Variants in NKAIN2 observed in about 807,000 individuals in gnomAD.
NKAIN2 encodes the protein sodium/potassium transporting ATPase interacting 2.
A neutral mutation model predicts 32.6 loss-of-function variants in NKAIN2; 14 were observed. That is an observed-to-expected ratio of 0.43 (90% CI 0.28 to 0.67). NKAIN2 has a LOEUF of 0.67. Ranked by LOEUF, NKAIN2 falls within the 30% of genes least tolerant of loss-of-function variation. The pLI, the probability that NKAIN2 is intolerant of heterozygous loss-of-function variation, is 0.17. For missense variants in NKAIN2, 198 were observed against 258.3 expected (o/e 0.77, Z 1.60); for synonymous variants, 80 against 87.2 (o/e 0.92, Z 0.46).
chr6:123,976,256 TATATATATGTTTCC>T (rs1156868911), intron 1 of NKAIN2, among the ~76,000 whole-genome samples: 2,879 of 120,762 alleles, frequency 0.024, 321 homozygotes, highest in Middle Eastern at 0.051. Flanking sequence ...AACATATATA[TATATATATGTTTCC>T]ATATATATGT....
intron 4 of NKAIN2, among the ~76,000 whole-genome samples, chr6:124,791,067 T>C (rs1306125483): frequency 6.6e-6 from 1 of 152,176 alleles, no homozygotes; most frequent in African/African-American, 2.4e-5. Flanking sequence ...TTTTCTGTAT[T>C]GAAAATAATT....
chr6:123,970,707 C>T (rs1778298139), intron 1 of NKAIN2, among the ~76,000 whole-genome samples: 1 of 151,792 alleles, frequency 6.6e-6, no homozygotes, highest in South Asian at 2.1e-4. Flanking sequence ...GGTGAAACCC[C>T]ATTTCTACTA....
intron 1 of NKAIN2, among the ~76,000 whole-genome samples, chr6:123,912,977 C>G (rs1457897285): frequency 6.6e-6 from 1 of 152,132 alleles, no homozygotes; most frequent in East Asian, 1.9e-4. Flanking sequence ...TAAGGCGAAA[C>G]CTGTAGGCTT....
chr6:124,789,648 A>G (rs1375932230), intron 4 of NKAIN2, among the ~76,000 whole-genome samples: 1 of 151,964 alleles, frequency 6.6e-6, no homozygotes, highest in South Asian at 2.1e-4. Context: ...ACAAATCAAA[A>G]TCTTTGCTAA....
At chr6:123,979,160 C>A (rs1170322075) in intron 1 of NKAIN2, among the ~76,000 whole-genome samples, 1 of 147,822 alleles carries the variant, frequency 6.8e-6, no homozygotes, top group Non-Finnish European at 1.5e-5. Context: ...AATCAGAAAT[C>A]AATCTGATTT....
At chr6:124,598,639 A>G (rs1365057164) in intron 3 of NKAIN2, among the ~76,000 whole-genome samples, 1 of 151,088 alleles carries the variant, frequency 6.6e-6, no homozygotes, top group Non-Finnish European at 1.5e-5. Flanking sequence ...AGGGCCCTGG[A>G]TAGGTGAGCC....
At chr6:124,815,279 T>C (rs1781110908) in intron 5 of NKAIN2, among the ~76,000 whole-genome samples, 1 of 148,676 alleles carries the variant, frequency 6.7e-6, no homozygotes, top group South Asian at 2.1e-4. Context: ...TATATGTATA[T>C]ATGTATATAT....
chr6:124,648,095 G>C (rs1041546969), intron 3 of NKAIN2, among the ~76,000 whole-genome samples: 6 of 152,144 alleles, frequency 3.9e-5, no homozygotes, highest in African/African-American at 1.4e-4. Flanking sequence ...ATTGCAATGG[G>C]AGAGAAGACC....
chr6:124,538,315 C>A (rs1044542036), intron 3 of NKAIN2, among the ~76,000 whole-genome samples: 5 of 151,726 alleles, frequency 3.3e-5, no homozygotes, highest in Non-Finnish European at 2.9e-5. Context: ...GGCCTTTATT[C>A]TAATAACAGT....
At chr6:123,971,114 T>A (rs1306603676) in intron 1 of NKAIN2, among the ~76,000 whole-genome samples, 1 of 151,852 alleles carries the variant, frequency 6.6e-6, no homozygotes, top group Non-Finnish European at 1.5e-5. Context: ...AAAATGATAG[T>A]CTGACTGGGG....
chr6:124,565,842 G>C (rs1027926052), intron 3 of NKAIN2, among the ~76,000 whole-genome samples: 1 of 152,086 alleles, frequency 6.6e-6, no homozygotes, highest in African/African-American at 2.4e-5. Flanking sequence ...CAGAAGGATG[G>C]GAAGTGTTTC....
chr6:124,143,878 T>G (rs1031098309), intron 1 of NKAIN2, among the ~76,000 whole-genome samples: 12 of 152,202 alleles, frequency 7.9e-5, no homozygotes, highest in Non-Finnish European at 1.2e-4. Context: ...TTTCTTATTA[T>G]CCTACCCCAT....
chr6:124,027,029 C>A (rs1241346174), intron 1 of NKAIN2, among the ~76,000 whole-genome samples: 1 of 152,116 alleles, frequency 6.6e-6, no homozygotes. Flanking sequence ...TCTTCTGTTT[C>A]TCTTCTTGCC....
intron 3 of NKAIN2, among the ~76,000 whole-genome samples, chr6:124,577,385 C>A (rs952644488): frequency 1.3e-5 from 2 of 151,980 alleles, no homozygotes; most frequent in African/African-American, 4.8e-5. Flanking sequence ...GAGCAAGAAT[C>A]TGTGTGCTTG....
intron 4 of NKAIN2, among the ~76,000 whole-genome samples, chr6:124,664,743 G>A (rs1772690923): frequency 8.2e-6 from 1 of 121,656 alleles, no homozygotes; most frequent in African/African-American, 3.1e-5. Context: ...GCAGTGAGCC[G>A]AGATCCCGCC....
chr6:123,966,319 CCTCAGAAGATA>C (rs1778078976), intron 1 of NKAIN2, among the ~76,000 whole-genome samples: 2 of 152,276 alleles, frequency 1.3e-5, no homozygotes, highest in Admixed American at 6.5e-5. Flanking sequence ...ACTCAATCAT[CCTCAGAAGATA>C]CGAGCTTTAA....
intron 1 of NKAIN2, among the ~76,000 whole-genome samples, chr6:124,258,548 C>G (rs544716964): frequency 1.3e-5 from 2 of 150,090 alleles, no homozygotes; most frequent in South Asian, 4.2e-4. Context: ...ATAAAACTGA[C>G]AGGACTTGAA....
At chr6:124,407,721 T>C (rs1773932535) in intron 3 of NKAIN2, among the ~76,000 whole-genome samples, 2 of 152,016 alleles carry the variant, frequency 1.3e-5, no homozygotes, top group South Asian at 4.2e-4. Context: ...AGTAATGAGA[T>C]GGCTGGGTCA....
chr6:124,336,126 GA>G (rs1467625631), intron 2 of NKAIN2, among the ~76,000 whole-genome samples: 4 of 149,716 alleles, frequency 2.7e-5, no homozygotes, highest in Non-Finnish European at 4.5e-5. Context: ...AAAGCAAAAT[GA>G]AACAGAAAAG....
Sources: allele counts gnomAD v4.1 joint callset (sites outside exome capture counted in the v4.1 genomes callset), GRCh38; gene constraint gnomAD v4.1.1; transcripts MANE v1.5; gene names NCBI Gene and HGNC (gene_info 2026-07-23, HGNC 2026-07-21).